PHF24: variants seen among roughly 807,000 people sequenced by gnomAD.
PHF24 encodes PHD finger protein 24.
A neutral mutation model predicts 42.6 loss-of-function variants in PHF24; 25 were observed. That is an observed-to-expected ratio of 0.59 (90% confidence interval 0.43 to 0.82). The LOEUF is 0.82. Among genes scored for constraint, PHF24 ranks in the 40% least tolerant of loss-of-function variants. PHF24 has a pLI of 0.00. For synonymous variants in PHF24, 185 were observed against 204.8 expected, an observed-to-expected ratio of 0.90 and a Z score of 0.83; for missense variants, 470 against 538.1, an observed-to-expected ratio of 0.87 and a Z score of 1.25.
the PHF24 span, among the ~76,000 whole-genome samples, chr9:34,845,105 C>A: frequency 1.3e-5 from 2 of 152,204 alleles, no homozygotes; most frequent in Admixed American, 1.3e-4. Flanking sequence ...TTTTACAGTT[C>A]TTGACTTAAA....
At chr9:34,740,188 A>G in the PHF24 span, among the ~76,000 whole-genome samples, 1 of 152,202 alleles carries the variant, frequency 6.6e-6, no homozygotes, top group Non-Finnish European at 1.5e-5. Flanking sequence ...TGGATTCCGC[A>G]CCGGGGCTGC....
At chr9:34,957,417 T>G (rs1361437645), upstream of PHF24, among the ~76,000 whole-genome samples, 1 of 152,236 alleles carries the variant, frequency 6.6e-6, no homozygotes, top group African/African-American at 2.4e-5. Flanking sequence ...TTGCTGGCTA[T>G]CTTACGATTT....
At chr9:34,958,159 C>T (rs1261507004), upstream of PHF24, among the ~76,000 whole-genome samples, 3 of 147,648 alleles carry the variant, frequency 2.0e-5, no homozygotes, top group African/African-American at 7.3e-5. The surrounding 1 kb of genome is among the most constrained non-coding windows in gnomAD (Gnocchi z 4.5). Flanking sequence ...ACCGGCCGGC[C>T]CAGGGCACCT....
chr9:34,697,404 C>G, the PHF24 span, among the ~76,000 whole-genome samples: 6,231 of 152,280 alleles, frequency 0.041, 206 homozygotes, highest in Non-Finnish European at 0.067. Context: ...ACTGCAACCT[C>G]CACCTCCTGG....
At chr9:34,852,585 G>C in the PHF24 span, among the ~76,000 whole-genome samples, 4 of 152,176 alleles carry the variant, frequency 2.6e-5, no homozygotes, top group South Asian at 6.2e-4. Flanking sequence ...TGAGCACTTT[G>C]AATATATCAT....
chr9:34,742,698 G>A, the PHF24 span, among the ~76,000 whole-genome samples: 1 of 151,884 alleles, frequency 6.6e-6, no homozygotes, highest in Non-Finnish European at 1.5e-5. Context: ...CCAAAATGCT[G>A]GGACTACAGG....
chr9:34,803,539 T>C, the PHF24 span, among the ~76,000 whole-genome samples: 3 of 152,198 alleles, frequency 2.0e-5, no homozygotes, highest in Non-Finnish European at 1.5e-5. Context: ...GACCAGGATC[T>C]GTTTCCTTTA....
At chr9:34,914,031 G>T in the PHF24 span, among the ~76,000 whole-genome samples, 1 of 152,096 alleles carries the variant, frequency 6.6e-6, no homozygotes, top group Non-Finnish European at 1.5e-5. Flanking sequence ...CTTTATTCTT[G>T]TATAGTCACT....
the PHF24 span, among the ~76,000 whole-genome samples, chr9:34,733,276 GCTT>G: frequency 1.3e-3 from 203 of 152,104 alleles, 1 homozygote; most frequent in African/African-American, 4.5e-3. Context: ...TCACCTTTTT[GCTT>G]CTTTTCTGTG....
At chr9:34,808,987 T>C in the PHF24 span, among the ~76,000 whole-genome samples, 2 of 151,598 alleles carry the variant, frequency 1.3e-5, no homozygotes, top group East Asian at 3.9e-4. Context: ...TGTATACATA[T>C]GTAACTAACC....
chr9:34,742,122 C>G, the PHF24 span, among the ~76,000 whole-genome samples: 2 of 152,224 alleles, frequency 1.3e-5, no homozygotes, highest in Non-Finnish European at 2.9e-5. Flanking sequence ...AAAAATAGAA[C>G]ATCTGTATCT....
At chr9:34,709,673 G>C in the PHF24 span, 17 of 1,613,818 alleles carry the variant, frequency 1.1e-5, no homozygotes, top group Admixed American at 2.8e-4. Context: ...AGCGCTTGCG[G>C]GGCAAGAACC....
chr9:34,951,799 G>A, the PHF24 span, among the ~76,000 whole-genome samples: 1 of 152,218 alleles, frequency 6.6e-6, no homozygotes, highest in East Asian at 1.9e-4. Context: ...CACTCAGATT[G>A]TTGGCAGAAT....
the PHF24 span, among the ~76,000 whole-genome samples, chr9:34,811,244 T>C: frequency 5.9e-5 from 9 of 152,226 alleles, no homozygotes; most frequent in Non-Finnish European, 1.3e-4. Flanking sequence ...GAAGCAAGAA[T>C]GTACTCTTGC....
the PHF24 span, among the ~76,000 whole-genome samples, chr9:34,735,333 C>T: frequency 4.0e-5 from 6 of 150,442 alleles, no homozygotes; most frequent in Non-Finnish European, 8.9e-5. Context: ...GATGGGGTTT[C>T]ACCATATTGG....
At chr9:34,860,666 T>C in the PHF24 span, among the ~76,000 whole-genome samples, 1 of 150,150 alleles carries the variant, frequency 6.7e-6, no homozygotes, top group African/African-American at 2.5e-5. Context: ...TATTGATGAC[T>C]CTTATAATGA....
the PHF24 span, chr9:34,729,232 T>A: frequency 6.6e-7 from 1 of 1,523,614 alleles, no homozygotes. Flanking sequence ...GGTAAGAACT[T>A]ATAGGCTTCT....
At chr9:34,892,133 A>G in the PHF24 span, among the ~76,000 whole-genome samples, 6 of 152,224 alleles carry the variant, frequency 3.9e-5, no homozygotes, top group African/African-American at 1.4e-4. Flanking sequence ...GATGTGGCAC[A>G]TTGAGGCCTC....
the PHF24 span, chr9:34,837,257 C>T: frequency 2.6e-6 from 1 of 384,388 alleles, no homozygotes; most frequent in Non-Finnish European, 5.1e-6. Context: ...TGCTTTAAGG[C>T]CTTTCTGTGC....
Sources: allele counts gnomAD v4.1 joint callset (sites outside exome capture counted in the v4.1 genomes callset), GRCh38; gene constraint gnomAD v4.1.1; non-coding constraint Gnocchi (gnomAD v3.1); transcripts MANE v1.5; gene names NCBI Gene and HGNC (gene_info 2026-07-23, HGNC 2026-07-21).